The following STIM1 variants were observed in gnomAD, a reference collection of about 807,000 sequenced individuals.
STIM1 encodes the protein stromal interaction molecule 1.
In STIM1, 25 loss-of-function variants were observed where a neutral mutation model predicts 74.7. That is an observed-to-expected ratio of 0.33 (90% CI 0.24 to 0.47). The LOEUF (loss-of-function observed/expected upper bound fraction) is 0.47, where lower values mean the gene tolerates loss of function less well. STIM1 is among the 20% of genes least tolerant of loss of function. The pLI, the probability that STIM1 is intolerant of heterozygous loss-of-function variation, is 1.00. For missense variants in STIM1, 728 were observed against 920.8 expected (o/e 0.79, Z 2.71); for synonymous variants, 328 against 348.8 (o/e 0.94, Z 0.66).
chr11:3,857,253 T>C (rs1438451701), intron 1 of STIM1, among the ~76,000 whole-genome samples: 3 of 151,604 alleles, frequency 2.0e-5, no homozygotes, highest in Non-Finnish European at 2.9e-5. Context: ...CACTTTTATG[T>C]TTTGTTTTGT....
chr11:4,045,028 T>C (rs2094179240), intron 3 of STIM1, among the ~76,000 whole-genome samples: 1 of 152,146 alleles, frequency 6.6e-6, no homozygotes, highest in African/African-American at 2.4e-5. Context: ...GAAACTCTGG[T>C]CTAGAGTGAC....
intron 3 of STIM1, among the ~76,000 whole-genome samples, chr11:4,041,857 G>A (rs1234924969): frequency 6.6e-6 from 1 of 152,170 alleles, no homozygotes; most frequent in Non-Finnish European, 1.5e-5. Context: ...AAAGTATTAG[G>A]ATTATAGGTG....
chr11:3,911,640 G>A (rs2092564008), intron 1 of STIM1, among the ~76,000 whole-genome samples: 1 of 151,850 alleles, frequency 6.6e-6, no homozygotes, highest in African/African-American at 2.4e-5. Context: ...TCCTGTCTTG[G>A]CCTCCCACAG....
rs550919701 is a variant in STIM1 at position 4,000,170 on chromosome 11, A to G, written c.271-23703A>G. On this transcript the variant is annotated intron_variant, in intron 2 of 12. Coordinates refer to ENST00000526596, the MANE Select transcript of STIM1 (RefSeq NM_001382567.1). Reference sequence around the variant, plus strand: ...CTCTGGGGGCAGGGCACAGACAAACAAAAAGACAGCAGTAACCTCTGCAGA... The same window carrying G: ...CTCTGGGGGCAGGGCACAGACAAACGAAAAGACAGCAGTAACCTCTGCAGA... Among the ~76,000 whole-genome samples, 193 of 149,134 alleles carry G rather than the reference A, an allele frequency of 1.3e-3. No individual in the cohort carries two copies. The Middle Eastern group carries it at 0.021, about 16-fold the overall frequency.
chr11:3,882,053 A>T (rs1472578608), intron 1 of STIM1, among the ~76,000 whole-genome samples: 1 of 143,362 alleles, frequency 7.0e-6, no homozygotes, highest in Non-Finnish European at 1.5e-5. Context: ...TAAGTTTTAG[A>T]GGTTCATCTA....
At chr11:3,863,423 C>T (rs1344726556) in intron 1 of STIM1, among the ~76,000 whole-genome samples, 1 of 151,612 alleles carries the variant, frequency 6.6e-6, no homozygotes, top group Non-Finnish European at 1.5e-5. Context: ...TGCCTGGCTA[C>T]TTTTTCTATT....
chr11:3,964,870 G>A (rs924148431), intron 1 of STIM1, among the ~76,000 whole-genome samples: 31 of 151,986 alleles, frequency 2.0e-4, no homozygotes, highest in Non-Finnish European at 4.1e-4. Context: ...GACCACAGGT[G>A]TGTGCCATCA....
chr11:4,074,551 C>T lies in STIM1; in HGVS notation c.841C>T (p.His281Tyr). The change falls in exon 7 of 13, where the codon CAT becomes TAT. Residue 281 changes from histidine (H) to tyrosine (Y), a missense_variant. This residue lies in a region of STIM1 where 131 missense variants were observed against 235.9 expected (regional missense o/e 0.56). Transcript: ENST00000526596. ...CCGCACAGTGGAGGTGGAGAAGGTC[C>T]ATCTGGAAAAGAAGCTGCGCGATGA... ...EHRTVEVEKV[H>Y]LEKKLRDEIN... 2.5e-6 allele frequency: 4 copies of T among 1,614,092 alleles called. No individual in the cohort carries two copies. The highest frequency in any genetic ancestry group is 2.5e-6 in the Non-Finnish European group (3 of 1,180,014).
chr11:4,012,345 C>T (rs1159317519), intron 2 of STIM1, among the ~76,000 whole-genome samples: 1 of 152,172 alleles, frequency 6.6e-6, no homozygotes, highest in Non-Finnish European at 1.5e-5. Flanking sequence ...ATTGATTCTT[C>T]CTATCCATGA....
At position 4,091,613 on chromosome 11, in the gene STIM1, G is replaced by T; in HGVS notation, c.1966G>T (p.Asp656Tyr). 6.2e-7 allele frequency: 1 copy of T among 1,614,210 alleles called. No homozygotes were observed. Among genetic ancestry groups the T allele is most frequent in the Non-Finnish European group, 8.5e-7 (1 of 1,180,040 alleles). Residue 656 changes from aspartate to tyrosine, a missense_variant, in exon 13 of 13, where the codon GAC (aspartate) becomes TAC (tyrosine). Asp to Tyr is a radical substitution (Grantham distance 160, BLOSUM62 -3). Coordinates refer to ENST00000526596, the MANE Select transcript of STIM1 (RefSeq NM_001382567.1). ...RSHSPSSPDPDTPSPVGDSRA... is the reference protein window; with the variant it reads ...RSHSPSSPDPYTPSPVGDSRA... ...TCACAGCCCCAGCTCCCCAGACCCA[G>T]ACACACCATCTCCAGTTGGGGACAG...
intron 1 of STIM1, among the ~76,000 whole-genome samples, chr11:3,858,181 T>A (rs2090456960): frequency 6.6e-6 from 1 of 152,072 alleles, no homozygotes; most frequent in Non-Finnish European, 1.5e-5. Flanking sequence ...ATTTTAGACA[T>A]AAGCTAAAGG....
chr11:3,883,400 G>A (rs1391143759), intron 1 of STIM1, among the ~76,000 whole-genome samples: 1 of 152,198 alleles, frequency 6.6e-6, no homozygotes, highest in African/African-American at 2.4e-5. Flanking sequence ...TTGTTGCCCA[G>A]GCTGGAGTGC....
At chr11:3,992,084 T>G (rs2093620178) in intron 2 of STIM1, among the ~76,000 whole-genome samples, 2 of 136,498 alleles carry the variant, frequency 1.5e-5, no homozygotes. Context: ...AACATCTGTT[T>G]TTTTGTTTTT....
intron 1 of STIM1, among the ~76,000 whole-genome samples, chr11:3,921,449 ACCTGGACCATCTGG>A (rs1202210700): frequency 6.6e-6 from 1 of 152,222 alleles, no homozygotes; most frequent in Non-Finnish European, 1.5e-5. Context: ...GTCAAAAGAT[ACCTGGACCATCTGG>A]CCATAGAACA....
intron 2 of STIM1, among the ~76,000 whole-genome samples, chr11:4,008,702 CA>C (rs1430013306): frequency 2.0e-5 from 3 of 152,176 alleles, no homozygotes; most frequent in African/African-American, 7.2e-5. Context: ...CACCCACACT[CA>C]CTCAGGCTAG....
At chr11:3,910,149 A>G (rs868461026) in intron 1 of STIM1, among the ~76,000 whole-genome samples, 1 of 152,218 alleles carries the variant, frequency 6.6e-6, no homozygotes, top group Non-Finnish European at 1.5e-5. Context: ...AGCCTTGTCT[A>G]TCTGTTAAGG....
rs73425461 is a variant in STIM1 at position 3,912,720 on chromosome 11, G to C, written c.140-54832G>C. Among the ~76,000 whole-genome samples the C allele has an allele frequency of 1.0e-2, 1,519 of 152,248 alleles. 26 individuals are homozygous for C. The highest frequency in any genetic ancestry group is 0.035 in the African/African-American group (1,450 of 41,532). On this transcript the variant is annotated intron_variant, in intron 1 of 12. Transcript: ENST00000526596. ...AAAAAAACTGAGGTAATATGAAAGA[G>C]ATTCTTAGATGCCTTTGCCAATGTG...
chr11:4,032,573 AG>A (rs2094060266), intron 3 of STIM1, among the ~76,000 whole-genome samples: 1 of 152,220 alleles, frequency 6.6e-6, no homozygotes, highest in African/African-American at 2.4e-5. Context: ...GATTTTGAAT[AG>A]GATTGCATTG....
At chr11:3,892,804 C>T in intron 1 of STIM1, 5 of 1,613,118 alleles carry the variant, frequency 3.1e-6, no homozygotes, top group South Asian at 2.2e-5. Context: ...TCTTTGGAAC[C>T]TTGTCTGCAA....
Sources: gnomAD v4.1 joint callset for allele counts (sites outside exome capture counted in the v4.1 genomes callset) on GRCh38, gnomAD v4.1.1 for gene constraint, gnomAD v4.1.1 regional missense constraint, MANE v1.5 for transcripts, NCBI Gene and HGNC (gene_info 2026-07-23, HGNC 2026-07-21) for gene names.